CSMD1: variants seen among roughly 807,000 people sequenced by gnomAD.
The protein encoded by CSMD1 is CUB and sushi domain-containing protein 1.
CSMD1 carries 213 observed loss-of-function variants against 417.5 expected under a neutral mutation model. That is an observed-to-expected ratio of 0.51 (90% CI 0.46 to 0.57). The LOEUF is 0.57. CSMD1 is among the 20% of genes least tolerant of loss of function. The pLI is 0.00. For missense variants in CSMD1, 6,923 were observed against 4,529.7 expected, an observed-to-expected ratio of 1.53 and a Z score of -15.17; for synonymous variants, 2,862 against 1,736.8, an observed-to-expected ratio of 1.65 and a Z score of -16.11.
chr8:3,089,676 CTAAG>C (rs1302226843), intron 48 of CSMD1, among the ~76,000 whole-genome samples: 1 of 152,148 alleles, frequency 6.6e-6, no homozygotes, highest in Non-Finnish European at 1.5e-5. Flanking sequence ...GTCATCAATT[CTAAG>C]TAAAAAGCTG....
chr8:4,432,570 A>C (rs1432333662), intron 2 of CSMD1, among the ~76,000 whole-genome samples: 1 of 152,142 alleles, frequency 6.6e-6, no homozygotes. Context: ...TTATGACTTA[A>C]AGACAGGCAG....
chr8:3,092,674 G>C (rs1815022781), intron 47 of CSMD1, among the ~76,000 whole-genome samples: 1 of 152,176 alleles, frequency 6.6e-6, no homozygotes, highest in East Asian at 1.9e-4. Flanking sequence ...AACATTGAAA[G>C]TATAGGTAAG....
intron 5 of CSMD1, among the ~76,000 whole-genome samples, chr8:3,910,083 G>C (rs1209135664): frequency 1.3e-5 from 2 of 152,116 alleles, no homozygotes; most frequent in Non-Finnish European, 2.9e-5. Context: ...TGCTAACATG[G>C]CATTGGGGAA....
At chr8:4,917,653 A>AAT (rs1456760066) in intron 1 of CSMD1, among the ~76,000 whole-genome samples, 4 of 152,004 alleles carry the variant, frequency 2.6e-5, no homozygotes. Context: ...AAATAAATGA[A>AAT]ATAAAATAAA....
intron 1 of CSMD1, among the ~76,000 whole-genome samples, chr8:4,777,371 T>G (rs1330854664): frequency 6.6e-6 from 1 of 152,086 alleles, no homozygotes; most frequent in Non-Finnish European, 1.5e-5. Flanking sequence ...GGTTTTGAGC[T>G]TGGGGATGAT....
At chr8:4,440,019 A>G (rs57194615) in intron 2 of CSMD1, among the ~76,000 whole-genome samples, 29,510 of 152,064 alleles carry the variant, frequency 0.19, 2,902 homozygotes, top group East Asian at 0.31. Flanking sequence ...AATTTTCCTA[A>G]GAGTTAAGAA....
chr8:4,946,546 C>T lies in CSMD1; in HGVS notation c.85+47786G>A, dbSNP rs894611541. Among the ~76,000 whole-genome samples the T allele has an allele frequency of 4.6e-5, 7 of 152,232 alleles. No homozygotes were observed. In the East Asian group the frequency reaches 1.2e-3, roughly 25 times the overall value. ...CCTCTAACCAGGCCTGAAGCATGTC[C>T]TTATGAAGGATTCTGACTCTGTATA... is the stretch of plus-strand genomic sequence containing the variant. On this transcript the variant is annotated intron_variant, in intron 1 of 69. Transcript: ENST00000635120.
intron 3 of CSMD1, among the ~76,000 whole-genome samples, chr8:4,098,713 G>T (rs760633113): frequency 1.3e-5 from 2 of 152,118 alleles, no homozygotes; most frequent in Non-Finnish European, 2.9e-5. Context: ...CCTACTCTAG[G>T]TTTATTTCCA....
rs140872181 is a variant in CSMD1 at position 4,892,123 on chromosome 8, A to T, written c.85+102209T>A. Among the ~76,000 whole-genome samples, 17 of 151,904 alleles carry T rather than the reference A, an allele frequency of 1.1e-4. No individual in the cohort carries two copies. In the East Asian group the frequency reaches 2.9e-3, roughly 26 times the overall value. ...TTTTCTTCCTCTCTGTCACAGGGAA[A>T]TTTTTTTTCCCATTTGTCACCTGCA... On this transcript the variant is annotated intron_variant, in intron 1 of 69. Transcript: ENST00000635120.
chr8:3,014,867 TG>T (rs1289217484), intron 52 of CSMD1, among the ~76,000 whole-genome samples: 1 of 151,542 alleles, frequency 6.6e-6, no homozygotes, highest in Non-Finnish European at 1.5e-5. Flanking sequence ...AGTGAGCTGT[TG>T]TTGCACCACT....
intron 6 of CSMD1, among the ~76,000 whole-genome samples, chr8:3,719,341 G>A (rs1563307395): frequency 6.6e-6 from 1 of 152,076 alleles, no homozygotes; most frequent in Non-Finnish European, 1.5e-5. Context: ...GAAATGTTCT[G>A]AAATCCTGAG....
intron 31 of CSMD1, among the ~76,000 whole-genome samples, chr8:3,202,575 T>A (rs538115278): frequency 3.3e-4 from 51 of 152,316 alleles, no homozygotes; most frequent in African/African-American, 1.2e-3. Flanking sequence ...GGTATATACT[T>A]ACAAGCAATG....
intron 1 of CSMD1, among the ~76,000 whole-genome samples, chr8:4,644,731 T>G (rs529629843): frequency 2.6e-5 from 4 of 152,362 alleles, no homozygotes; most frequent in Admixed American, 2.6e-4. Context: ...TATTCCCTTA[T>G]AGCATTTATA....
intron 54 of CSMD1, among the ~76,000 whole-genome samples, chr8:2,987,234 A>T (rs1166901683): frequency 1.3e-5 from 2 of 152,024 alleles, no homozygotes; most frequent in Non-Finnish European, 1.5e-5. Context: ...TTAATTAAAG[A>T]GGCATTAATT....
intron 3 of CSMD1, among the ~76,000 whole-genome samples, chr8:4,090,632 C>A (rs569961933): frequency 1.3e-5 from 2 of 152,128 alleles, no homozygotes; most frequent in African/African-American, 2.4e-5. Context: ...TGTAAAAGAA[C>A]GTCCCTGAAC....
chr8:3,940,824 A>G (rs1257168905), intron 5 of CSMD1, among the ~76,000 whole-genome samples: 1 of 151,836 alleles, frequency 6.6e-6, no homozygotes, highest in Non-Finnish European at 1.5e-5. Flanking sequence ...CTTAAAAACC[A>G]CAACTTAACC....
intron 49 of CSMD1, among the ~76,000 whole-genome samples, chr8:3,080,318 T>C (rs548235436): frequency 2.2e-4 from 34 of 152,336 alleles, no homozygotes; most frequent in African/African-American, 7.2e-4. Context: ...TGGAAACAGC[T>C]GCTTGGCAGA....
At chr8:4,550,829 G>T (rs925389013) in intron 2 of CSMD1, among the ~76,000 whole-genome samples, 1 of 152,076 alleles carries the variant, frequency 6.6e-6, no homozygotes, top group Non-Finnish European at 1.5e-5. Flanking sequence ...GGTCCAAGTC[G>T]ACACAGAAAT....
intron 3 of CSMD1, among the ~76,000 whole-genome samples, chr8:4,394,211 G>A (rs1219549795): frequency 1.3e-5 from 2 of 152,002 alleles, no homozygotes; most frequent in Admixed American, 6.5e-5. Context: ...CAAGTGCCTA[G>A]GTCTTAGAAA....
Sources: gnomAD v4.1 joint callset for allele counts (sites outside exome capture counted in the v4.1 genomes callset) on GRCh38, gnomAD v4.1.1 for gene constraint, MANE v1.5 for transcripts, NCBI Gene and HGNC (gene_info 2026-07-23, HGNC 2026-07-21) for gene names.